MCC: variants seen among roughly 807,000 people sequenced by gnomAD.
MCC encodes colorectal mutant cancer protein.
In MCC, 90 loss-of-function variants were observed where a neutral mutation model predicts 116.2. The ratio of observed to expected loss-of-function variants is 0.77; its 90% CI spans 0.65 to 0.92. MCC has a LOEUF of 0.92. MCC is among the 40% of genes least tolerant of loss of function. The pLI, the probability that MCC is intolerant of heterozygous loss-of-function variation, is 0.00. For synonymous variants in MCC, 578 were observed against 510.5 expected, an observed-to-expected ratio of 1.13 and a Z score of -1.78; for missense variants, 1,516 against 1,312.2, an observed-to-expected ratio of 1.16 and a Z score of -2.40.
chr5:113,323,888 C>T (rs1262595800), intron 3 of MCC, among the ~76,000 whole-genome samples: 1 of 152,136 alleles, frequency 6.6e-6, no homozygotes, highest in African/African-American at 2.4e-5. Context: ...CATATCGAGA[C>T]AATGTCTCTA....
chr5:113,280,368 T>C (rs896074030), intron 3 of MCC, among the ~76,000 whole-genome samples: 5 of 152,220 alleles, frequency 3.3e-5, no homozygotes, highest in Non-Finnish European at 7.3e-5. Context: ...ATTTTCATTA[T>C]TCTTTATTAT....
At chr5:113,248,639 G>A (rs191179999) in intron 3 of MCC, among the ~76,000 whole-genome samples, 2 of 152,176 alleles carry the variant, frequency 1.3e-5, no homozygotes, top group Admixed American at 6.5e-5. Context: ...TAAATGCCAA[G>A]AGACATAGTT....
At position 113,225,750 on chromosome 5, in the gene MCC, G is replaced by T. The variant is rs115908674; in HGVS notation, c.628-74328C>A. ...CAAACACAGGCTCACAGGCATCCCAGGAAGCAGTGAGAACAATGGAATGTC... is the reference window on the plus strand; with the variant it reads ...CAAACACAGGCTCACAGGCATCCCATGAAGCAGTGAGAACAATGGAATGTC... On this transcript the variant is annotated intron_variant, in intron 3 of 18. Coordinates refer to ENST00000408903, the MANE Select transcript of MCC (RefSeq NM_001085377.2). 3.7e-3 allele frequency among the ~76,000 whole-genome samples: 556 copies of T among 152,268 alleles called. 3 individuals are homozygous for T. Among genetic ancestry groups the T allele is most frequent in the African/African-American group, 0.013 (524 of 41,554 alleles).
intron 1 of MCC, among the ~76,000 whole-genome samples, chr5:113,392,398 G>C (rs1199814007): frequency 6.6e-6 from 1 of 152,072 alleles, no homozygotes; most frequent in Non-Finnish European, 1.5e-5. Context: ...GTATCTAATG[G>C]ATTGCCAAAA....
chr5:113,475,163 A>G (rs767609993), intron 1 of MCC, among the ~76,000 whole-genome samples: 1 of 152,230 alleles, frequency 6.6e-6, no homozygotes, highest in Non-Finnish European at 1.5e-5. Flanking sequence ...ACTTGCCATA[A>G]TATTGAATAG....
At chr5:113,183,824 G>GGA (rs1185818908) in intron 3 of MCC, among the ~76,000 whole-genome samples, 1 of 152,118 alleles carries the variant, frequency 6.6e-6, no homozygotes, top group African/African-American at 2.4e-5. Flanking sequence ...AGACTTGTGG[G>GGA]GAGAAAGGGG....
intron 7 of MCC, among the ~76,000 whole-genome samples, chr5:113,103,097 G>C (rs1013564864): frequency 6.6e-6 from 1 of 152,092 alleles, no homozygotes; most frequent in Non-Finnish European, 1.5e-5. Flanking sequence ...CTGGGCGACA[G>C]AGCAAGACTC....
At chr5:113,140,166 G>A (rs1329133684) in intron 5 of MCC, among the ~76,000 whole-genome samples, 1 of 152,086 alleles carries the variant, frequency 6.6e-6, no homozygotes, top group Non-Finnish European at 1.5e-5. Context: ...ATCTCTTTGG[G>A]ACATGATGAT....
chr5:113,213,781 T>G (rs34161199), intron 3 of MCC, among the ~76,000 whole-genome samples: 1 of 152,212 alleles, frequency 6.6e-6, no homozygotes, highest in Non-Finnish European at 1.5e-5. Flanking sequence ...CCACTCACAG[T>G]GAATGACAAC....
chr5:113,046,948 G>A (rs113904589), intron 16 of MCC, among the ~76,000 whole-genome samples: 1,634 of 152,196 alleles, frequency 0.011, 27 homozygotes, highest in African/African-American at 0.038. Flanking sequence ...CGGCCCTCAA[G>A]ATAACTCCAG....
intron 8 of MCC, among the ~76,000 whole-genome samples, chr5:113,099,273 A>T (rs573223889): frequency 6.6e-6 from 1 of 152,364 alleles, no homozygotes; most frequent in East Asian, 1.9e-4. Context: ...CTAGTTGCAC[A>T]AACTTATAAA....
At chr5:113,383,141 T>C (rs1242507226) in intron 2 of MCC, among the ~76,000 whole-genome samples, 2 of 152,218 alleles carry the variant, frequency 1.3e-5, no homozygotes, top group East Asian at 3.8e-4. Flanking sequence ...TAAACAATTT[T>C]TTTTCACAAA....
In MCC at chr5:113,166,309, T is replaced by C. The variant is rs537516484; in HGVS notation, c.628-14887A>G. Among the ~76,000 whole-genome samples, 23 of 152,260 alleles carry C rather than the reference T, an allele frequency of 1.5e-4. No individual in the cohort carries two copies. In the South Asian group the frequency reaches 3.9e-3, roughly 26 times the overall value. On this transcript the variant is annotated intron_variant, in intron 3 of 18. Transcript: ENST00000408903. ...ACTAGAAATACTGACATTTTTACAATACAAAAACTAAAATTTACCCAAACT... is the reference window on the plus strand; with the variant it reads ...ACTAGAAATACTGACATTTTTACAACACAAAAACTAAAATTTACCCAAACT...
chr5:113,397,434 A>C (rs528582598), intron 1 of MCC, among the ~76,000 whole-genome samples: 2 of 152,282 alleles, frequency 1.3e-5, no homozygotes, highest in East Asian at 3.9e-4. Flanking sequence ...GTGGTTACCA[A>C]CTTGAAAAAA....
rs530385986 is a variant in MCC at position 113,353,066 on chromosome 5, A to C, written c.416-12336T>G. Among the ~76,000 whole-genome samples the C allele has an allele frequency of 9.2e-5, 14 of 152,216 alleles. No individual in the cohort carries two copies. In the South Asian group the frequency reaches 2.9e-3, roughly 32 times the overall value. On this transcript the variant is annotated intron_variant, in intron 2 of 18. Transcript: ENST00000408903. ...TCCTTGACATGGACACCACTGTGTCAATGTCTCCTGGCTCACGAGGTTCCA... is the reference window on the plus strand; with the variant it reads ...TCCTTGACATGGACACCACTGTGTCCATGTCTCCTGGCTCACGAGGTTCCA...
Position 113,374,220 on chromosome 5 carries a change from T to TG in MCC, c.415+10747_415+10748insC, listed in dbSNP as rs1403587883. 1.2e-3 allele frequency among the ~76,000 whole-genome samples: 146 copies of TG among 125,898 alleles called. 2 individuals are homozygous for TG. Among genetic ancestry groups the TG allele is most frequent in the African/African-American group, 3.5e-3 (136 of 39,342 alleles). 82.6% of individuals were successfully genotyped at this position (125,898 alleles called of 152,430 possible). ...GGCTTCTACTTTTTTTTTTTTTGTT[T>TG]TTTTTTTTAATAGCAAAGCCATTGC... is the stretch of plus-strand genomic sequence containing the variant. On this transcript the variant is annotated intron_variant, in intron 2 of 18. Transcript: ENST00000408903.
chr5:113,106,991 C>A (rs565309587), intron 6 of MCC, among the ~76,000 whole-genome samples: 1 of 152,306 alleles, frequency 6.6e-6, no homozygotes, highest in South Asian at 2.1e-4. Flanking sequence ...TGGCAATTAT[C>A]ACTATCTGAT....
chr5:113,248,395 T>G (rs1322984577), intron 3 of MCC, among the ~76,000 whole-genome samples: 1 of 152,150 alleles, frequency 6.6e-6, no homozygotes, highest in Non-Finnish European at 1.5e-5. Flanking sequence ...GCAGGTACTA[T>G]GCTCAGTTTT....
intron 1 of MCC, among the ~76,000 whole-genome samples, chr5:113,470,714 T>C (rs1772061348): frequency 1.3e-5 from 2 of 151,936 alleles, no homozygotes; most frequent in Admixed American, 1.3e-4. Flanking sequence ...ATTTCCTGAA[T>C]TTGAATATTG....
Sources: allele counts gnomAD v4.1 joint callset (sites outside exome capture counted in the v4.1 genomes callset), GRCh38; gene constraint gnomAD v4.1.1; transcripts MANE v1.5; gene names NCBI Gene and HGNC (gene_info 2026-07-23, HGNC 2026-07-21).